SPHKAP: variants seen among roughly 807,000 people sequenced by gnomAD.
SPHKAP encodes A-kinase anchor protein SPHKAP.
In SPHKAP, 67 loss-of-function variants were observed where a neutral mutation model predicts 137.5. The observed-to-expected ratio is 0.49, with a 90% confidence interval of 0.40 to 0.60. The LOEUF is 0.60. Ranked by LOEUF, SPHKAP falls within the 20% of genes least tolerant of loss-of-function variation. SPHKAP has a pLI of 0.00. For missense variants in SPHKAP, 2,097 were observed against 2,069.3 expected (o/e 1.01, Z -0.26); for synonymous variants, 813 against 785.3 (o/e 1.04, Z -0.59).
intron 7 of SPHKAP, among the ~76,000 whole-genome samples, chr2:227,998,337 A>G (rs1693712885): frequency 6.6e-6 from 1 of 152,142 alleles, no homozygotes; most frequent in Non-Finnish European, 1.5e-5. Context: ...TTCAGGTATG[A>G]GTGCCCTTTG....
chr2:228,110,282 T>C (rs943818143), intron 2 of SPHKAP, among the ~76,000 whole-genome samples: 2 of 151,928 alleles, frequency 1.3e-5, no homozygotes, highest in Non-Finnish European at 2.9e-5. Context: ...ATATTACTCA[T>C]CTAAAAATAA....
In SPHKAP at chr2:228,019,714, A is replaced by G; in HGVS notation, c.1140T>C (p.Pro380=). The change falls in exon 7 of 12, where the codon CCT becomes CCC. Residue 380 remains proline, a synonymous_variant. Coordinates refer to ENST00000392056, the MANE Select transcript of SPHKAP (RefSeq NM_001142644.2). ...DHEDTRNALP[P]RQDGEVTTGK... ...CAGTGGTGACTTCTCCATCTTGTCT[A>G]GGAGGGAGAGCGTTTCTTGTGTCTT... 3.7e-6 allele frequency: 6 copies of G among 1,614,192 alleles called. No individual in the cohort carries two copies. The highest frequency in any genetic ancestry group is 5.1e-6 in the Non-Finnish European group (6 of 1,180,016).
Sources: allele counts gnomAD v4.1 joint callset (sites outside exome capture counted in the v4.1 genomes callset), GRCh38; gene constraint gnomAD v4.1.1; transcripts MANE v1.5; gene names NCBI Gene and HGNC (gene_info 2026-07-23, HGNC 2026-07-21).